TPTE2: variants seen among roughly 807,000 people sequenced by gnomAD.
TPTE2 encodes transmembrane phosphoinositide 3-phosphatase and tensin homolog 2.
A neutral mutation model predicts 78.6 loss-of-function variants in TPTE2; 53 were observed. The observed-to-expected ratio is 0.67, with a 90% confidence interval of 0.54 to 0.85. The LOEUF (loss-of-function observed/expected upper bound fraction) is 0.85, where lower values mean the gene tolerates loss of function less well. Among genes scored for constraint, TPTE2 ranks in the 40% least tolerant of loss-of-function variants. The pLI, the probability that TPTE2 is intolerant of heterozygous loss-of-function variation, is 0.00. For missense variants in TPTE2, 461 were observed against 623.0 expected (o/e 0.74, Z 2.77); for synonymous variants, 175 against 206.2 (o/e 0.85, Z 1.30).
chr13:19,453,576 A>G (rs1317498478), intron 10 of TPTE2, among the ~76,000 whole-genome samples: 3 of 130,874 alleles, frequency 2.3e-5, no homozygotes, highest in East Asian at 4.0e-4. Flanking sequence ...GCAACTCACC[A>G]TTTAGATGAT....
chr13:19,522,267 G>T (rs1368607487), intron 1 of TPTE2, among the ~76,000 whole-genome samples: 1 of 152,274 alleles, frequency 6.6e-6, no homozygotes, highest in Admixed American at 6.5e-5. Flanking sequence ...CTGGCAATTT[G>T]GATATGCCAG....
chr13:19,440,076 C>CCT (rs1049897321), intron 13 of TPTE2, among the ~76,000 whole-genome samples: 5 of 152,110 alleles, frequency 3.3e-5, no homozygotes, highest in African/African-American at 1.2e-4. Context: ...GCTAGATAGA[C>CCT]ATCTAAGTAC....
the TPTE2 span, chr13:19,560,344 C>T: frequency 5.7e-6 from 9 of 1,571,972 alleles, no homozygotes; most frequent in East Asian, 2.2e-5. Flanking sequence ...CTGCAGCCGC[C>T]GCACCAGTTG....
chr13:19,487,269 G>A (rs981902710), intron 3 of TPTE2, among the ~76,000 whole-genome samples: 1 of 152,032 alleles, frequency 6.6e-6, no homozygotes, highest in African/African-American at 2.4e-5. Flanking sequence ...TGTCTCTCAG[G>A]TCTGAGACAC....
At chr13:19,554,040 T>G in the TPTE2 span, among the ~76,000 whole-genome samples, 2 of 152,212 alleles carry the variant, frequency 1.3e-5, no homozygotes, top group African/African-American at 4.8e-5. Context: ...ACCAACATTT[T>G]TGATCTTTCT....
At chr13:19,557,800 TCTAC>T in the TPTE2 span, among the ~76,000 whole-genome samples, 78 of 152,312 alleles carry the variant, frequency 5.1e-4, no homozygotes, top group Non-Finnish European at 8.7e-4. Context: ...GGAATGTTTC[TCTAC>T]CTGAGAAATA....
chr13:19,554,348 C>T, the TPTE2 span, among the ~76,000 whole-genome samples: 1 of 149,688 alleles, frequency 6.7e-6, no homozygotes, highest in African/African-American at 2.4e-5. Context: ...GCACTCCAAC[C>T]TAGGCGACAG....
intron 1 of TPTE2, among the ~76,000 whole-genome samples, chr13:19,502,984 T>C (rs1444695221): frequency 6.6e-6 from 1 of 152,128 alleles, no homozygotes; most frequent in Non-Finnish European, 1.5e-5. Flanking sequence ...AAAGGCTACA[T>C]TGAAAAGAAT....
the TPTE2 span, among the ~76,000 whole-genome samples, chr13:19,545,477 G>A: frequency 1.3e-4 from 20 of 152,276 alleles, 1 homozygote; most frequent in African/African-American, 4.3e-4. Context: ...GAAGAATAAA[G>A]TGAAAGTCTG....
chr13:19,528,394 A>C (rs527271845), intron 1 of TPTE2, among the ~76,000 whole-genome samples: 1 of 152,196 alleles, frequency 6.6e-6, no homozygotes, highest in East Asian at 1.9e-4. Context: ...TCTCAAAAAA[A>C]AAAAAAGCCT....
intron 9 of TPTE2, 93 bp downstream of exon 12, chr13:19,465,161 AT>A: frequency 6.7e-7 from 1 of 1,487,968 alleles, no homozygotes; most frequent in South Asian, 1.1e-5. Flanking sequence ...AATAAAGAAT[AT>A]TTTGAATGAA....
chr13:19,448,438 A>T (rs1333351307), intron 13 of TPTE2, among the ~76,000 whole-genome samples: 1 of 152,208 alleles, frequency 6.6e-6, no homozygotes, highest in Non-Finnish European at 1.5e-5. Flanking sequence ...ATAATAGGTT[A>T]ACAGATTTTT....
chr13:19,557,472 G>A, the TPTE2 span, among the ~76,000 whole-genome samples: 12 of 152,114 alleles, frequency 7.9e-5, no homozygotes, highest in Non-Finnish European at 1.6e-4. Flanking sequence ...CACTGTCATC[G>A]TGCACACAGA....
chr13:19,557,198 T>C, the TPTE2 span, among the ~76,000 whole-genome samples: 1 of 152,248 alleles, frequency 6.6e-6, no homozygotes, highest in African/African-American at 2.4e-5. Context: ...GTAGCTAATC[T>C]GAACCTCTGG....
upstream of TPTE2, among the ~76,000 whole-genome samples, chr13:19,539,766 C>T (rs965810368): frequency 3.9e-5 from 6 of 152,118 alleles, no homozygotes; most frequent in Non-Finnish European, 7.3e-5. Flanking sequence ...TCACCTTGTC[C>T]TCTTTTTCAA....
intron 13 of TPTE2, among the ~76,000 whole-genome samples, chr13:19,447,687 T>C (rs1254372341): frequency 3.3e-5 from 5 of 152,176 alleles, no homozygotes; most frequent in South Asian, 2.1e-4. Flanking sequence ...TAAAAATTCA[T>C]TTAGAGCCCA....
chr13:19,553,047 T>C, the TPTE2 span, among the ~76,000 whole-genome samples: 1 of 150,458 alleles, frequency 6.6e-6, no homozygotes. Context: ...GTCTAGGCTG[T>C]TTATCTTTAT....
rs150474343 is a variant in TPTE2, at chr13:19,448,221, A to C, written c.973+1855T>G. Among the ~76,000 whole-genome samples the C allele has an allele frequency of 3.0e-4, 45 of 152,362 alleles. No homozygotes were observed. The East Asian group carries it at 7.7e-3, about 26-fold the overall frequency. On this transcript the variant is annotated intron_variant, in intron 13 of 19. Coordinates refer to ENST00000400230, the Ensembl canonical transcript of TPTE2. ...CTGTGAAACGTGAAATTGGAAAACTACTAGAAGAAAAGATAGGTGAAAATC... is the reference window on the plus strand; with the variant it reads ...CTGTGAAACGTGAAATTGGAAAACTCCTAGAAGAAAAGATAGGTGAAAATC...
At chr13:19,445,327 A>C (rs903427985) in intron 13 of TPTE2, among the ~76,000 whole-genome samples, 3 of 152,346 alleles carry the variant, frequency 2.0e-5, no homozygotes. Context: ...AGGATATCCA[A>C]ATACTTAATA....
Sources: allele counts gnomAD v4.1 joint callset (sites outside exome capture counted in the v4.1 genomes callset), GRCh38; gene constraint gnomAD v4.1.1; transcripts MANE v1.5; gene names NCBI Gene and HGNC (gene_info 2026-07-23, HGNC 2026-07-21).